Variants in TMEM132D observed in about 807,000 individuals in gnomAD.
The protein encoded by TMEM132D is mature OL transmembrane protein.
In TMEM132D, 21 loss-of-function variants were observed where a neutral mutation model predicts 62.3. That is an observed-to-expected ratio of 0.34 (90% CI 0.24 to 0.49). The LOEUF is 0.49. TMEM132D is among the 20% of genes least tolerant of loss of function. The probability of loss-of-function intolerance (pLI) is 0.99; values close to 1 mark genes in which losing one functional copy is unlikely to be tolerated. For synonymous variants in TMEM132D, 621 were observed against 575.6 expected (o/e 1.08, Z -1.13); for missense variants, 1,346 against 1,402.8 (o/e 0.96, Z 0.65).
At chr12:129,210,710 G>T (rs1414473780) in intron 4 of TMEM132D, among the ~76,000 whole-genome samples, 1 of 152,180 alleles carries the variant, frequency 6.6e-6, no homozygotes, top group Non-Finnish European at 1.5e-5. Flanking sequence ...CCAGCACCCA[G>T]CGCAGAGCTT....
intron 1 of TMEM132D, among the ~76,000 whole-genome samples, chr12:129,815,522 T>C (rs1470043457): frequency 6.6e-6 from 1 of 152,194 alleles, no homozygotes; most frequent in African/African-American, 2.4e-5. Context: ...ACCCCCACCC[T>C]GCAGGGGCCC....
intron 3 of TMEM132D, among the ~76,000 whole-genome samples, chr12:129,525,519 T>C (rs1876003872): frequency 6.6e-6 from 1 of 152,144 alleles, no homozygotes; most frequent in South Asian, 2.1e-4. Context: ...CTTGGGCATG[T>C]GTGCTGCATA....
At chr12:129,793,876 A>G (rs1246154213) in intron 1 of TMEM132D, among the ~76,000 whole-genome samples, 1 of 152,140 alleles carries the variant, frequency 6.6e-6, no homozygotes, top group Non-Finnish European at 1.5e-5. Context: ...CCTGAAACTT[A>G]CTTTTCATTT....
chr12:129,632,518 C>A (rs553357371), intron 2 of TMEM132D, among the ~76,000 whole-genome samples: 60 of 152,172 alleles, frequency 3.9e-4, no homozygotes, highest in African/African-American at 1.4e-3. Context: ...ATGGATCCGA[C>A]CTCCCCATTC....
chr12:129,303,794 T>A (rs1369894297), intron 4 of TMEM132D, among the ~76,000 whole-genome samples: 1 of 151,838 alleles, frequency 6.6e-6, no homozygotes, highest in African/African-American at 2.4e-5. Flanking sequence ...GTGATGTGAT[T>A]TGGAAGCAGA....
intron 1 of TMEM132D, among the ~76,000 whole-genome samples, chr12:129,877,938 A>C (rs1390390820): frequency 6.6e-6 from 1 of 152,202 alleles, no homozygotes; most frequent in Non-Finnish European, 1.5e-5. Flanking sequence ...TGCCCTGAGA[A>C]CTGAGACCAT....
rs577678456 is a variant in TMEM132D at position 129,517,507 on chromosome 12, G to A, written c.1115+13552C>T. 2.1e-4 allele frequency among the ~76,000 whole-genome samples: 32 copies of A among 152,330 alleles called. No individual in the cohort carries two copies. In the South Asian group the frequency reaches 6.2e-3, roughly 30 times the overall value. ...AAGACAGAGAAGCCAGGGCCATTCA[G>A]TGGGGAAGACATTAGCTGCCTGCTG... On this transcript the variant is annotated intron_variant, in intron 3 of 8. Transcript: ENST00000422113.
intron 1 of TMEM132D, among the ~76,000 whole-genome samples, chr12:129,882,454 T>C (rs1874626424): frequency 6.6e-6 from 1 of 152,006 alleles, no homozygotes; most frequent in Non-Finnish European, 1.5e-5. Flanking sequence ...ATAAGGATAG[T>C]CCAGTATTTG....
intron 1 of TMEM132D, among the ~76,000 whole-genome samples, chr12:129,873,021 C>T (rs1312839265): frequency 2.0e-5 from 3 of 152,114 alleles, no homozygotes; most frequent in Admixed American, 2.0e-4. Flanking sequence ...CTATGAACAC[C>T]TCACTCTTAA....
At chr12:129,880,318 C>T (rs1874551477) in intron 1 of TMEM132D, among the ~76,000 whole-genome samples, 1 of 152,054 alleles carries the variant, frequency 6.6e-6, no homozygotes, top group Admixed American at 6.5e-5. Context: ...AAAGTAAAAA[C>T]TGAAAATGCA....
chr12:129,509,158 T>A (rs1181708616), intron 3 of TMEM132D, among the ~76,000 whole-genome samples: 1 of 152,204 alleles, frequency 6.6e-6, no homozygotes, highest in Admixed American at 6.5e-5. Flanking sequence ...TGAAATTTTC[T>A]GAGGCCACTT....
intron 2 of TMEM132D, among the ~76,000 whole-genome samples, chr12:129,627,715 G>A (rs989880197): frequency 3.3e-5 from 5 of 152,178 alleles, no homozygotes; most frequent in African/African-American, 1.2e-4. Flanking sequence ...GACCAGGCAT[G>A]ATGGCTCCTG....
In TMEM132D at chr12:129,460,594, A is replaced by G. The variant is rs542690489; in HGVS notation, c.1115+70465T>C. Among the ~76,000 whole-genome samples the G allele has an allele frequency of 2.8e-4, 43 of 152,312 alleles. 1 individual carries two copies. Among genetic ancestry groups the G allele is most frequent in the African/African-American group, 9.9e-4 (41 of 41,574 alleles). ...TGCAGTAGATTAAATTCTCTAATGT[A>G]TATAAATGAGTTCTAACTGCATTGG... On this transcript the variant is annotated intron_variant, in intron 3 of 8. Transcript: ENST00000422113.
rs778079657 is a variant in TMEM132D, at chr12:129,880,965, C to T, written c.79+22296G>A. Among the ~76,000 whole-genome samples the T allele has an allele frequency of 3.3e-5, 5 of 152,062 alleles. 1 individual carries two copies. The South Asian group carries it at 6.2e-4, about 19-fold the overall frequency. ...GAGTATAAAGTAACGCCCATTTACA[C>T]GCTGTCTACGGGAACACATTATGAA... On this transcript the variant is annotated intron_variant, in intron 1 of 8. Coordinates refer to ENST00000422113, the MANE Select transcript of TMEM132D (RefSeq NM_133448.3).
chr12:129,134,336 A>G (rs1027731834), intron 5 of TMEM132D, among the ~76,000 whole-genome samples: 1 of 152,128 alleles, frequency 6.6e-6, no homozygotes, highest in Non-Finnish European at 1.5e-5. Flanking sequence ...ACTTTTGGAT[A>G]TGTTTGTTTT....
intron 1 of TMEM132D, among the ~76,000 whole-genome samples, chr12:129,718,045 A>C (rs1868656835): frequency 6.6e-6 from 1 of 152,206 alleles, no homozygotes; most frequent in Non-Finnish European, 1.5e-5. Context: ...TGGATTTCTT[A>C]TGAGGGTAGC....
chr12:129,629,780 T>C (rs1879308716), intron 2 of TMEM132D, among the ~76,000 whole-genome samples: 1 of 152,192 alleles, frequency 6.6e-6, no homozygotes, highest in Non-Finnish European at 1.5e-5. Context: ...TGTTTCTTGA[T>C]ATGGCCATTA....
chr12:129,246,710 G>C (rs1004570783), intron 4 of TMEM132D, among the ~76,000 whole-genome samples: 2 of 151,764 alleles, frequency 1.3e-5, no homozygotes, highest in Non-Finnish European at 2.9e-5. Context: ...AGATTGCAGT[G>C]AGCTGAGATC....
chr12:129,495,941 T>A (rs1874940603), intron 3 of TMEM132D, among the ~76,000 whole-genome samples: 1 of 152,200 alleles, frequency 6.6e-6, no homozygotes, highest in African/African-American at 2.4e-5. Context: ...AGTTTTACTT[T>A]TACAAGTCCA....
Sources: gnomAD v4.1 joint callset for allele counts (sites outside exome capture counted in the v4.1 genomes callset) on GRCh38, gnomAD v4.1.1 for gene constraint, MANE v1.5 for transcripts, NCBI Gene and HGNC (gene_info 2026-07-23, HGNC 2026-07-21) for gene names.